The following WARS2 variants were observed in gnomAD, a reference collection of about 807,000 sequenced individuals.
WARS2 encodes tryptophanyl tRNA synthetase 2, mitochondrial, also known as tryptophan--tRNA ligase, mitochondrial.
WARS2 carries 28 observed loss-of-function variants against 36.5 expected under a neutral mutation model. The ratio of observed to expected loss-of-function variants is 0.77; its 90% confidence interval spans 0.57 to 1.05. WARS2 has a LOEUF of 1.05. WARS2 is among the 50% of genes least tolerant of loss of function. WARS2 has a pLI of 0.00. For missense variants in WARS2, 435 were observed against 456.8 expected (o/e 0.95, Z 0.44); for synonymous variants, 174 against 178.4 (o/e 0.98, Z 0.20).
At chr1:119,131,697 G>A (rs12044619) in intron 1 of WARS2, among the ~76,000 whole-genome samples, 37,585 of 151,898 alleles carry the variant, frequency 0.25, 6,032 homozygotes, top group East Asian at 0.47. Context: ...TCCTGACCTC[G>A]TGATCTGCCC....
chr1:119,104,897 C>A (rs1654127552), intron 1 of WARS2, among the ~76,000 whole-genome samples: 1 of 151,992 alleles, frequency 6.6e-6, no homozygotes, highest in Admixed American at 6.6e-5. Flanking sequence ...TCATACAAGG[C>A]CTTGTATGCT....
chr1:119,066,020 A>C (rs1650813998), intron 2 of WARS2, among the ~76,000 whole-genome samples: 1 of 152,220 alleles, frequency 6.6e-6, no homozygotes. Context: ...CACATTCAAG[A>C]GATAATATAA....
At chr1:119,131,460 T>TG (rs1248203032) in intron 1 of WARS2, among the ~76,000 whole-genome samples, 1 of 143,970 alleles carries the variant, frequency 6.9e-6, no homozygotes, top group African/African-American at 2.7e-5. Flanking sequence ...AGTTTTTTGT[T>TG]TTTTGTTTTT....
intron 1 of WARS2, among the ~76,000 whole-genome samples, chr1:119,090,274 G>A (rs771481130): frequency 2.6e-4 from 39 of 152,292 alleles, no homozygotes; most frequent in Non-Finnish European, 5.4e-4. Flanking sequence ...GCACAGGGTG[G>A]AGGTGAGGAG....
At chr1:119,098,211 T>C (rs1034951312) in intron 1 of WARS2, among the ~76,000 whole-genome samples, 1 of 151,946 alleles carries the variant, frequency 6.6e-6, no homozygotes, top group African/African-American at 2.4e-5. Context: ...ATCGTGCCAC[T>C]GCACTCCAAC....
At chr1:119,100,836 C>T (rs771903066) in intron 1 of WARS2, among the ~76,000 whole-genome samples, 2 of 152,080 alleles carry the variant, frequency 1.3e-5, no homozygotes, top group South Asian at 2.1e-4. Context: ...TGGGATTTCA[C>T]CATGTTGCCC....
chr1:119,131,909 C>T (rs1033111731), intron 1 of WARS2, among the ~76,000 whole-genome samples: 12 of 150,276 alleles, frequency 8.0e-5, no homozygotes, highest in African/African-American at 2.2e-4. Flanking sequence ...TGGTGGGGGG[C>T]GGGAAGAATA....
intron 2 of WARS2, among the ~76,000 whole-genome samples, chr1:119,058,289 C>T (rs1185707743): frequency 1.4e-5 from 2 of 144,546 alleles, no homozygotes; most frequent in Non-Finnish European, 3.0e-5. Context: ...TGTGGGTCTA[C>T]TTCTTGATTC....
intron 1 of WARS2, among the ~76,000 whole-genome samples, chr1:119,123,734 C>T (rs1478056455): frequency 1.3e-5 from 2 of 152,132 alleles, no homozygotes; most frequent in Non-Finnish European, 2.9e-5. Context: ...TCTCATCATC[C>T]CAACCTCTTA....
chr1:119,033,530 C>T (rs1647624848), intron 5 of WARS2, 171 bp from the exon 6 acceptor site: 3 of 758,046 alleles, frequency 4.0e-6, no homozygotes, highest in Admixed American at 2.7e-5. Context: ...TTGAAATACC[C>T]ACACAACCAT....
At position 119,091,952 on chromosome 1, in the gene WARS2, G is replaced by A. The variant is rs587620502; in HGVS notation, c.91-15345C>T. 5.3e-5 allele frequency among the ~76,000 whole-genome samples: 8 copies of A among 152,252 alleles called. No homozygotes were observed. The East Asian group carries it at 7.7e-4, about 15-fold the overall frequency. ...TGACACAGAAAACAGGCAGTGCTTC[G>A]GAAGGATAATTCACAGGCATTTCTT... On this transcript the variant is annotated intron_variant, in intron 1 of 5. Transcript: ENST00000235521.
intron 4 of WARS2, among the ~76,000 whole-genome samples, chr1:119,034,692 A>C (rs537062285): frequency 6.6e-6 from 1 of 152,314 alleles, no homozygotes; most frequent in East Asian, 1.9e-4. Flanking sequence ...TCCCTGTCAC[A>C]TAGGGAGTAA....
Position 119,059,362 on chromosome 1 carries a change from A to G in WARS2, c.349-13700T>C, listed in dbSNP as rs558244182. Among the ~76,000 whole-genome samples, 232 of 152,122 alleles carry G rather than the reference A, an allele frequency of 1.5e-3. 3 individuals are homozygous for G. In the South Asian group the frequency reaches 0.016, roughly 10 times the overall value. ...TTGTTGCCATTGCTTTTGGTGTTTT[A>G]GACATGAAGTCCTTGCCCATTCCTA... On this transcript the variant is annotated intron_variant, in intron 2 of 5. Coordinates refer to ENST00000235521, the MANE Select transcript of WARS2 (RefSeq NM_015836.4).
At chr1:119,054,926 T>C (rs1649648688) in intron 2 of WARS2, among the ~76,000 whole-genome samples, 1 of 152,154 alleles carries the variant, frequency 6.6e-6, no homozygotes, top group African/African-American at 2.4e-5. Flanking sequence ...TATTGTTTAA[T>C]GGGTATAGAA....
chr1:119,072,794 C>T (rs1651426360), intron 2 of WARS2, among the ~76,000 whole-genome samples: 1 of 151,948 alleles, frequency 6.6e-6, no homozygotes, highest in Admixed American at 6.6e-5. Flanking sequence ...TTTATAGTGG[C>T]ATGCTAAAAT....
At chr1:119,101,097 T>G (rs145439978) in intron 1 of WARS2, among the ~76,000 whole-genome samples, 179 of 152,186 alleles carry the variant, frequency 1.2e-3, no homozygotes, top group Non-Finnish European at 2.1e-3. Flanking sequence ...AGAAGTGGGT[T>G]GAAGGGTAAA....
chr1:119,041,856 A>T (rs1023527418), intron 4 of WARS2, among the ~76,000 whole-genome samples: 2 of 152,180 alleles, frequency 1.3e-5, no homozygotes, highest in Non-Finnish European at 2.9e-5. Flanking sequence ...TCCTGGCTCC[A>T]AGCCTTGCTA....
At chr1:119,112,664 T>C (rs1422004092) in intron 1 of WARS2, among the ~76,000 whole-genome samples, 3 of 152,196 alleles carry the variant, frequency 2.0e-5, no homozygotes, top group Non-Finnish European at 4.4e-5. Flanking sequence ...GAACATTATC[T>C]GTCTGGGAAG....
intron 1 of WARS2, among the ~76,000 whole-genome samples, chr1:119,109,200 C>A (rs971765007): frequency 1.3e-5 from 2 of 151,904 alleles, no homozygotes; most frequent in African/African-American, 4.8e-5. Context: ...TTGTGAGATA[C>A]AAATCATCTA....
Sources: gnomAD v4.1 joint callset for allele counts (sites outside exome capture counted in the v4.1 genomes callset) on GRCh38, gnomAD v4.1.1 for gene constraint, MANE v1.5 for transcripts, NCBI Gene and HGNC (gene_info 2026-07-23, HGNC 2026-07-21) for gene names.